Variants in LCN12 observed in about 807,000 individuals in gnomAD.
The protein encoded by LCN12 is lipocalin 12, also known as epididymal-specific lipocalin-12.
In LCN12, 15 loss-of-function variants were observed where a neutral mutation model predicts 23.7. The ratio of observed to expected loss-of-function variants is 0.63; its 90% CI spans 0.42 to 0.97. The LOEUF is 0.97. Ranked by LOEUF, LCN12 falls within the 50% of genes least tolerant of loss-of-function variation. The pLI, the probability that LCN12 is intolerant of heterozygous loss-of-function variation, is 0.00. For missense variants in LCN12, 219 were observed against 249.6 expected, an observed-to-expected ratio of 0.88 and a Z score of 0.83; for synonymous variants, 116 against 111.5, an observed-to-expected ratio of 1.04 and a Z score of -0.25.
At chr9:136,955,880 G>A (rs750794707), downstream of LCN12, among the ~76,000 whole-genome samples, 8 of 152,138 alleles carry the variant, frequency 5.3e-5, no homozygotes, top group Admixed American at 2.0e-4. Context: ...CCCAGGCAGC[G>A]GCTGTTCTGT....
At position 136,953,464 on chromosome 9, in the gene LCN12, A is replaced by G. The variant is rs543113165; in HGVS notation, c.252-236A>G. On this transcript the variant is annotated intron_variant, in intron 2 of 5. Transcript: ENST00000371633. Reference sequence around the variant, plus strand: ...TCCCAGCACTTTAGGGGCCGGGCGCAGTGGCGCACACCTGTAATCCCAGTA... The same window carrying G: ...TCCCAGCACTTTAGGGGCCGGGCGCGGTGGCGCACACCTGTAATCCCAGTA... 48 of 495,078 alleles carry G rather than the reference A, an allele frequency of 9.7e-5. 1 individual carries two copies. Among genetic ancestry groups the G allele is most frequent in the African/African-American group, 3.0e-4 (15 of 50,794 alleles). The allele number at this position is 495,078 out of a possible 1,614,324, so 30.7% of individuals were successfully genotyped here. A position where few individuals can be genotyped will look rare whatever the true frequency, so the allele number is the denominator to read the frequency against.
intron 2 of LCN12, 137 bp downstream of exon 2, chr9:136,953,165 C>G: frequency 8.3e-7 from 1 of 1,211,460 alleles, no homozygotes; most frequent in Non-Finnish European, 1.2e-6. Context: ...ATGACCAAAC[C>G]CAGCTGGGGA....
At chr9:136,955,891 C>T (rs1851311680), downstream of LCN12, among the ~76,000 whole-genome samples, 1 of 152,204 alleles carries the variant, frequency 6.6e-6, no homozygotes, top group Admixed American at 6.5e-5. Context: ...GCTGTTCTGT[C>T]AGGGAAGCTG....
At chr9:136,949,222 C>T (rs1222858839), upstream of LCN12, among the ~76,000 whole-genome samples, 2 of 152,172 alleles carry the variant, frequency 1.3e-5, no homozygotes, top group African/African-American at 4.8e-5. Context: ...CATAGTGAGA[C>T]CTCATCTCTA....
intron 1 of LCN12, 167 bp downstream of exon 1, chr9:136,952,608 A>C (rs908141425): frequency 1.6e-6 from 1 of 634,338 alleles, no homozygotes; most frequent in African/African-American, 1.8e-5. Flanking sequence ...CCCAGCGCAG[A>C]CCTTCCTGGC....
intron 1 of LCN12, 70 bp from the exon 2 acceptor site, chr9:136,952,822 G>A (rs1353968288): frequency 1.9e-6 from 3 of 1,552,588 alleles, no homozygotes; most frequent in Non-Finnish European, 2.6e-6. Flanking sequence ...GGGAGGGCGG[G>A]AGGGGGCTCC....
intron 5 of LCN12, chr9:136,954,764 C>T: frequency 7.7e-7 from 1 of 1,291,360 alleles, no homozygotes; most frequent in Non-Finnish European, 1.0e-6. Flanking sequence ...GGGTGGCAGC[C>T]CCAGCCTGAC....
At chr9:136,956,156 C>G (rs975476562), downstream of LCN12, among the ~76,000 whole-genome samples, 5 of 152,162 alleles carry the variant, frequency 3.3e-5, no homozygotes, top group African/African-American at 1.2e-4. Flanking sequence ...CTCAGCCCTC[C>G]GATGTCTGTG....
At chr9:136,953,353 TCC>T in intron 2 of LCN12, 1 of 95,140 alleles carries the variant, frequency 1.1e-5, no homozygotes, top group East Asian at 4.6e-4. Context: ...ACACCTGTAA[TCC>T]TAGCACTTTG....
At chr9:136,956,473 C>A (rs151272186), downstream of LCN12, among the ~76,000 whole-genome samples, 13 of 152,338 alleles carry the variant, frequency 8.5e-5, no homozygotes, top group Non-Finnish European at 1.5e-4. Flanking sequence ...ACGGCCCCAA[C>A]GAGATGGATC....
At chr9:136,955,287 C>T in intron 5 of LCN12, 84 bp from the exon 6 acceptor site, 3 of 1,555,570 alleles carry the variant, frequency 1.9e-6, no homozygotes, top group African/African-American at 1.4e-5. Flanking sequence ...ACCTGCCCCT[C>T]CTTTGTGCCC....
downstream of LCN12, chr9:136,955,586 T>C: frequency 1.8e-6 from 1 of 568,690 alleles, no homozygotes; most frequent in Non-Finnish European, 3.0e-6. Flanking sequence ...AACAGCTCCT[T>C]CTCTGGGCAC....
Position 136,953,795 on chromosome 9 carries a change from G to A in LCN12, c.331+16G>A. ...CACGGTGTGGGTAAGCCAGTCACAGGAGGGAGGGACGGGGTGCTGGCCCAC... is the reference window on the plus strand; with the variant it reads ...CACGGTGTGGGTAAGCCAGTCACAGAAGGGAGGGACGGGGTGCTGGCCCAC... On this transcript the variant is annotated intron_variant, in intron 3 of 5. Coordinates refer to ENST00000371633, the MANE Select transcript of LCN12 (RefSeq NM_178536.4). The A allele has an allele frequency of 1.2e-6, 2 of 1,604,350 alleles. No individual in the cohort carries two copies. Among genetic ancestry groups the A allele is most frequent in the Non-Finnish European group, 1.7e-6 (2 of 1,175,758 alleles).
In LCN12 at chr9:136,952,441, G is replaced by C. The variant is rs763739118; in HGVS notation, c.114G>C (p.Gln38His). The C allele has an allele frequency of 6.2e-7, 1 of 1,601,448 alleles. No individual in the cohort carries two copies. The highest frequency in any genetic ancestry group is 8.6e-7 in the Non-Finnish European group (1 of 1,169,170). The change falls in exon 1 of 6, where the codon CAG becomes CAC. Residue 38 changes from glutamine to histidine, a missense_variant and splice_region_variant. Transcript: ENST00000371633. ...CGATGCAGAGCTTCCAAGGAAACCAGGTACAGGGGTTTTGACGGAAGGAGA... is the reference window on the plus strand; with the variant it reads ...CGATGCAGAGCTTCCAAGGAAACCACGTACAGGGGTTTTGACGGAAGGAGA... ...PPPMQSFQGNQFQGEWFVLGL... is the reference protein window; with the variant it reads ...PPPMQSFQGNHFQGEWFVLGL...
chr9:136,952,486 G>A (rs990048897), intron 1 of LCN12, 45 bp downstream of exon 1: 1 of 1,375,436 alleles, frequency 7.3e-7, no homozygotes, highest in Non-Finnish European at 1.0e-6. Context: ...CTGGGTCTGA[G>A]TGCAGGGAGA....
At chr9:136,950,391 C>T (rs1340917762), upstream of LCN12, among the ~76,000 whole-genome samples, 1 of 152,150 alleles carries the variant, frequency 6.6e-6, no homozygotes, top group Non-Finnish European at 1.5e-5. Context: ...CCGAGGGACC[C>T]TCCTCTGTGT....
chr9:136,955,553 G>A (rs1018485303), downstream of LCN12: 56 of 720,076 alleles, frequency 7.8e-5, 3 homozygotes, highest in South Asian at 8.7e-4. Flanking sequence ...GGAGCAAGGC[G>A]ACCGCTGACC....
chr9:136,950,060 C>T (rs1364634536), upstream of LCN12, among the ~76,000 whole-genome samples: 1 of 152,240 alleles, frequency 6.6e-6, no homozygotes, highest in East Asian at 1.9e-4. Context: ...CCTCAAGGCC[C>T]GCGTCCTGCA....
chr9:136,955,950 G>A (rs1248836300), downstream of LCN12, among the ~76,000 whole-genome samples: 2 of 152,150 alleles, frequency 1.3e-5, no homozygotes, highest in Non-Finnish European at 2.9e-5. Context: ...TGGTGCAGAT[G>A]CCCCAGGCCT....
Sources: gnomAD v4.1 joint callset for allele counts (sites outside exome capture counted in the v4.1 genomes callset) on GRCh38, gnomAD v4.1.1 for gene constraint, MANE v1.5 for transcripts, NCBI Gene and HGNC (gene_info 2026-07-23, HGNC 2026-07-21) for gene names.